Variants in ZNF853 observed in about 807,000 individuals in gnomAD.
The protein encoded by ZNF853 is zinc finger protein 853.
A neutral mutation model predicts 94.7 loss-of-function variants in ZNF853; 57 were observed. The ratio of observed to expected loss-of-function variants is 0.60; its 90% CI spans 0.49 to 0.75. The LOEUF is 0.75. Ranked by LOEUF, ZNF853 falls within the 30% of genes least tolerant of loss-of-function variation. ZNF853 has a pLI of 0.00. For synonymous variants in ZNF853, 448 were observed against 406.3 expected (o/e 1.10, Z -1.23); for missense variants, 785 against 868.9 (o/e 0.90, Z 1.21).
rs781165676 is a variant in ZNF853 at position 6,623,025 on chromosome 7, T to G, written c.*54T>G. ...AGGGGACCCCCCACCCGCCTCCACC[T>G]GAAAAGCTCCTTGACCCGGGTTCAT... On this transcript the variant is annotated 3_prime_UTR_variant, in exon 3 of 3. Coordinates refer to ENST00000457543, the MANE Select transcript of ZNF853 (RefSeq NM_017560.3). 4.9e-6 allele frequency: 6 copies of G among 1,233,746 alleles called. No homozygotes were observed. Among genetic ancestry groups the G allele is most frequent in the Non-Finnish European group, 6.1e-6 (6 of 988,696 alleles). The allele number at this position is 1,233,746 out of a possible 1,614,324, so 76.4% of individuals were successfully genotyped here.
Position 6,621,714 on chromosome 7 carries a change from A to G in ZNF853, c.723A>G (p.Leu241=). The change falls in exon 3 of 3, where the codon CTA becomes CTG. Residue 241 remains leucine, a synonymous_variant. Coordinates refer to ENST00000457543, the MANE Select transcript of ZNF853 (RefSeq NM_017560.3). ...AACAGTTACAGCAGCAGCAGCAGCTACTATTGCTGCAGCAGCAGGGACAGT... is the reference window on the plus strand; with the variant it reads ...AACAGTTACAGCAGCAGCAGCAGCTGCTATTGCTGCAGCAGCAGGGACAGT... The part of the protein sequence containing the change: ...QQEQLQQQQQ[L]LLLQQQGQLQ... 2 of 1,550,724 alleles carry G rather than the reference A, an allele frequency of 1.3e-6. No individual in the cohort carries two copies. The highest frequency in any genetic ancestry group is 1.7e-6 in the Non-Finnish European group (2 of 1,146,838).
chr7:6,616,120 TC>T lies in ZNF853; in HGVS notation c.-54del, dbSNP rs1782500449. ...CCGGCTGCACGCCGTGGCCTTCACC[TC>T]GCAGCCTCTGCTGACCACACCTCCC... On this transcript the variant is annotated 5_prime_UTR_variant, in exon 1 of 3. It removes the in-frame stop codon of an upstream open reading frame in the 5' UTR. Transcript: ENST00000457543. 6 of 1,527,568 alleles carry T rather than the reference TC, an allele frequency of 3.9e-6. No homozygotes were observed. The African/African-American group carries it at 8.4e-5, about 21-fold the overall frequency. 94.6% of individuals were successfully genotyped at this position (1,527,568 alleles called of 1,614,324 possible).
In ZNF853 at chr7:6,618,313, G is replaced by A; in HGVS notation, c.130+1006G>A. Among the ~76,000 whole-genome samples the A allele has an allele frequency of 2.6e-4, 40 of 151,472 alleles. No individual in the cohort carries two copies. In the Middle Eastern group the frequency reaches 0.014, roughly 53 times the overall value. On this transcript the variant is annotated intron_variant, in intron 2 of 2. Coordinates refer to ENST00000457543, the MANE Select transcript of ZNF853 (RefSeq NM_017560.3). Reference sequence around the variant, plus strand: ...GTCCGTCTCAAAAAAAAGAAGAAGAGGAAAAGAAGACCCTTCTGACTTGTA... The same window carrying A: ...GTCCGTCTCAAAAAAAAGAAGAAGAAGAAAAGAAGACCCTTCTGACTTGTA...
intron 2 of ZNF853, among the ~76,000 whole-genome samples, chr7:6,619,748 G>A: frequency 1.3e-5 from 2 of 152,172 alleles, no homozygotes; most frequent in African/African-American, 4.8e-5. Context: ...GTAGAAAGAA[G>A]GATTGGGATT....
intron 1 of ZNF853, among the ~76,000 whole-genome samples, chr7:6,616,773 G>T: frequency 6.6e-6 from 1 of 151,670 alleles, no homozygotes; most frequent in Admixed American, 6.6e-5. Flanking sequence ...AAAAAGAATT[G>T]AAGGAGGCAG....
intron 1 of ZNF853, 136 bp downstream of exon 1, chr7:6,616,322 G>A: frequency 2.4e-6 from 2 of 820,192 alleles, no homozygotes; most frequent in African/African-American, 3.6e-5. Flanking sequence ...TCTCAGGAGC[G>A]CCTGGGCACA....
At position 6,623,339 on chromosome 7, in the gene ZNF853, A is replaced by C. The variant is rs1397701977; in HGVS notation, c.*368A>C. ...TAATGACACTGGCCGAGGACTGGACACCCACCAGGGAATCAAGACGTGGTG... is the reference window on the plus strand; with the variant it reads ...TAATGACACTGGCCGAGGACTGGACCCCCACCAGGGAATCAAGACGTGGTG... On this transcript the variant is annotated 3_prime_UTR_variant, in exon 3 of 3. Transcript: ENST00000457543. 2 of 398,412 alleles carry C rather than the reference A, an allele frequency of 5.0e-6. No homozygotes were observed. Among genetic ancestry groups the C allele is most frequent in the Non-Finnish European group, 8.8e-6 (2 of 226,060 alleles). The allele number at this position is 398,412 out of a possible 1,614,324, so 24.7% of individuals were successfully genotyped here. A position where few individuals can be genotyped will look rare whatever the true frequency, so the allele number is the denominator to read the frequency against.
chr7:6,617,412 C>A, intron 2 of ZNF853, 105 bp downstream of exon 2: 1 of 1,003,498 alleles, frequency 1.0e-6, no homozygotes, highest in Non-Finnish European at 1.4e-6. Flanking sequence ...ACCAGCCAAC[C>A]TCAGCTGCAT....
At chr7:6,619,714 G>A in intron 2 of ZNF853, among the ~76,000 whole-genome samples, 1 of 152,202 alleles carries the variant, frequency 6.6e-6, no homozygotes, top group African/African-American at 2.4e-5. Context: ...AGTTGGGAAC[G>A]GAGAAAGCCT....
chr7:6,622,393 G>GCGTTGACCCCTGCA lies in ZNF853; in HGVS notation c.1405_1418dup (p.Gln474Ter). 7.2e-7 allele frequency: 1 copy of GCGTTGACCCCTGCA among 1,396,284 alleles called. No homozygotes were observed. The highest frequency in any genetic ancestry group is 9.2e-7 in the Non-Finnish European group (1 of 1,083,756). The allele number at this position is 1,396,284 out of a possible 1,614,324, so 86.5% of individuals were successfully genotyped here. ...CATCCCGGGCCCGGCAGGCAGCGCG[G>GCGTTGACCCCTGCA]CGTTGACCCCTGCACGGCAGCGGCG... On this transcript the variant is annotated frameshift_variant, in exon 3 of 3. Coordinates refer to ENST00000457543, the MANE Select transcript of ZNF853 (RefSeq NM_017560.3). LOFTEE classifies it high-confidence loss of function.
At chr7:6,619,219 T>C in intron 2 of ZNF853, among the ~76,000 whole-genome samples, 1 of 151,992 alleles carries the variant, frequency 6.6e-6, no homozygotes, top group Admixed American at 6.6e-5. Context: ...TTTGTATTTT[T>C]AGTAGAGACA....
intron 2 of ZNF853, 199 bp downstream of exon 2, chr7:6,617,506 C>T: frequency 4.4e-5 from 37 of 836,274 alleles, no homozygotes; most frequent in East Asian, 1.2e-4. Context: ...AGGGGCTCCC[C>T]GCTCCCCACA....
rs1782615523 is a variant in ZNF853, at chr7:6,621,811, TTACAGCAGCAGCTACTGC to T, written c.822_839del (p.Leu278_Gln283del). On this transcript the variant is annotated inframe_deletion, in exon 3 of 3. Coordinates refer to ENST00000457543, the MANE Select transcript of ZNF853 (RefSeq NM_017560.3). ...GCTGCTGGAACAGCAGCAGGCACAG[TTACAGCAGCAGCTACTGC>T]TGCAGCAGCAGGAACAGTTACAGCA... 2 of 1,549,138 alleles carry T rather than the reference TTACAGCAGCAGCTACTGC, an allele frequency of 1.3e-6. No individual in the cohort carries two copies. Among genetic ancestry groups the T allele is most frequent in the East Asian group, 4.9e-5 (2 of 40,842 alleles).
rs578059285 is a variant in ZNF853 at position 6,623,718 on chromosome 7, C to G, written c.*747C>G. The G allele has an allele frequency of 1.1e-4, 19 of 180,326 alleles. No individual in the cohort carries two copies. The East Asian group carries it at 2.5e-3, about 24-fold the overall frequency. 11.2% of individuals were successfully genotyped at this position (180,326 alleles called of 1,614,324 possible). A position where few individuals can be genotyped will look rare whatever the true frequency, so the allele number is the denominator to read the frequency against. Reference sequence around the variant, plus strand: ...TCTGCTGCTGTGTCCCCCAGTCCCCCCAGCCCGCATTAATGTCCTCTGGAA... The same window carrying G: ...TCTGCTGCTGTGTCCCCCAGTCCCCGCAGCCCGCATTAATGTCCTCTGGAA... On this transcript the variant is annotated 3_prime_UTR_variant, in exon 3 of 3. Coordinates refer to ENST00000457543, the MANE Select transcript of ZNF853 (RefSeq NM_017560.3).
At chr7:6,619,428 C>T in intron 2 of ZNF853, among the ~76,000 whole-genome samples, 3 of 152,054 alleles carry the variant, frequency 2.0e-5, no homozygotes, top group African/African-American at 7.2e-5. Flanking sequence ...CACACCACCA[C>T]GCCCGACTAA....
Position 6,621,165 on chromosome 7 carries a change from G to A in ZNF853, c.174G>A (p.Gln58=). ...AGAGTCAGGAGGAGGAAGAGCCTCA[G>A]GAGAGGAACAGCAGTCCACAGCGGC... is the stretch of plus-strand genomic sequence containing the variant. The part of the protein sequence containing the change: ...GSESQEEEEP[Q]ERNSSPQRPA... The change falls in exon 3 of 3, where the codon CAG becomes CAA. Residue 58 remains glutamine, a synonymous_variant. Transcript: ENST00000457543. The A allele has an allele frequency of 1.4e-6, 2 of 1,478,934 alleles. No individual in the cohort carries two copies. The highest frequency in any genetic ancestry group is 1.4e-5 in the South Asian group (1 of 70,872). The allele number at this position is 1,478,934 out of a possible 1,614,324, so 91.6% of individuals were successfully genotyped here. A position where few individuals can be genotyped will look rare whatever the true frequency, so the allele number is the denominator to read the frequency against.
chr7:6,617,675 T>G, intron 2 of ZNF853: 1 of 984,126 alleles, frequency 1.0e-6, no homozygotes, highest in South Asian at 4.7e-5. Context: ...ACTAATAGGC[T>G]CTCTTCCTCT....
At chr7:6,616,418 C>T in intron 1 of ZNF853, among the ~76,000 whole-genome samples, 1 of 152,118 alleles carries the variant, frequency 6.6e-6, no homozygotes, top group Non-Finnish European at 1.5e-5. Context: ...CTGCTGGCGG[C>T]CTTCTCAGAG....
At chr7:6,616,993 C>G in intron 1 of ZNF853, among the ~76,000 whole-genome samples, 197 bp from the exon 2 acceptor site, 53 of 152,144 alleles carry the variant, frequency 3.5e-4, no homozygotes, top group Non-Finnish European at 1.5e-5. Flanking sequence ...TCTGCCAACT[C>G]CCCAGTCCTG....
Sources: allele counts gnomAD v4.1 joint callset (sites outside exome capture counted in the v4.1 genomes callset), GRCh38; gene constraint gnomAD v4.1.1; transcripts MANE v1.5; gene names NCBI Gene and HGNC (gene_info 2026-07-23, HGNC 2026-07-21).